SEMA3A: variants seen among roughly 807,000 people sequenced by gnomAD.
SEMA3A encodes semaphorin 3A, also known as semaphorin-3A.
Under a neutral mutation model 97.9 loss-of-function variants are expected in SEMA3A, and 29 were observed. The observed-to-expected ratio is 0.30, with a 90% CI of 0.22 to 0.40. SEMA3A has a LOEUF of 0.40. Ranked by LOEUF, SEMA3A falls within the 10% of genes least tolerant of loss-of-function variation. The pLI is 1.00. For missense variants in SEMA3A, 763 were observed against 951.3 expected (o/e 0.80, Z 2.60); for synonymous variants, 321 against 323.7 (o/e 0.99, Z 0.09).
intron 1 of SEMA3A, among the ~76,000 whole-genome samples, chr7:84,381,635 T>G (rs1803262136): frequency 6.6e-6 from 1 of 152,166 alleles, no homozygotes. Context: ...TATTTGATCT[T>G]CTATTTGGTC....
chr7:84,362,187 C>A (rs1802742705), intron 2 of SEMA3A, among the ~76,000 whole-genome samples: 2 of 151,768 alleles, frequency 1.3e-5, no homozygotes, highest in South Asian at 2.1e-4. Context: ...TAAGACCAAC[C>A]TGGGCAATGT....
chr7:84,453,777 T>C (rs755567681), intron 1 of SEMA3A, among the ~76,000 whole-genome samples: 13 of 152,184 alleles, frequency 8.5e-5, no homozygotes, highest in Non-Finnish European at 1.9e-4. Flanking sequence ...AAAAAAAACT[T>C]GTGTAAAATT....
At chr7:84,068,700 T>C (rs148574123) in intron 4 of SEMA3A, among the ~76,000 whole-genome samples, 19 of 152,234 alleles carry the variant, frequency 1.2e-4, no homozygotes, top group African/African-American at 4.6e-4. Context: ...ACTTTATGTC[T>C]GGGATCATAT....
intron 2 of SEMA3A, among the ~76,000 whole-genome samples, chr7:84,367,701 A>G (rs1047199018): frequency 4.0e-5 from 6 of 151,270 alleles, no homozygotes; most frequent in African/African-American, 1.4e-4. Flanking sequence ...ATAGGTGAGA[A>G]AGCAAGACTT....
At chr7:83,990,296 A>T (rs57773024) in intron 12 of SEMA3A, among the ~76,000 whole-genome samples, 2 of 152,086 alleles carry the variant, frequency 1.3e-5, no homozygotes, top group South Asian at 2.1e-4. Flanking sequence ...GTAGTTTCTT[A>T]TGCTGTGCAG....
intron 2 of SEMA3A, among the ~76,000 whole-genome samples, chr7:84,343,957 AT>A (rs1802233890): frequency 6.6e-6 from 1 of 151,854 alleles, no homozygotes; most frequent in Non-Finnish European, 1.5e-5. Flanking sequence ...GCAGTGAGCT[AT>A]TATCACACCA....
intron 3 of SEMA3A, among the ~76,000 whole-genome samples, chr7:84,249,368 C>CATCTATCTATCTATCTATAT (rs1799546563): frequency 7.0e-6 from 1 of 143,140 alleles, no homozygotes; most frequent in African/African-American, 2.6e-5. Flanking sequence ...CTCTGTCTAT[C>CATCTATCTATCTATCTATAT]ATCTATCTAT....
chr7:83,958,224 C>A lies in SEMA3A; in HGVS notation c.*3147G>T, dbSNP rs1788340465. On this transcript the variant is annotated 3_prime_UTR_variant, in exon 17 of 17. Transcript: ENST00000265362. ...ATAGAACCCAGTTTACAGATGACTA[C>A]AATGAAGAAATCTGTTAGCTAATTA... 6.6e-6 allele frequency: 1 copy of A among 152,416 alleles called. No individual in the cohort carries two copies. The allele number at this position is 152,416 out of a possible 1,614,324, so 9.4% of individuals were successfully genotyped here.
At chr7:84,399,482 C>A (rs1803837962) in intron 1 of SEMA3A, among the ~76,000 whole-genome samples, 1 of 152,152 alleles carries the variant, frequency 6.6e-6, no homozygotes, top group Non-Finnish European at 1.5e-5. Context: ...CACCCCTCCC[C>A]CAATGCCAGA....
intron 1 of SEMA3A, among the ~76,000 whole-genome samples, chr7:84,476,314 G>A (rs897063063): frequency 2.5e-4 from 38 of 149,670 alleles, no homozygotes; most frequent in South Asian, 1.5e-3. Flanking sequence ...AGCCGAGATC[G>A]CACCACTGCA....
chr7:84,407,663 C>T (rs1243957659), intron 1 of SEMA3A, among the ~76,000 whole-genome samples: 3 of 151,832 alleles, frequency 2.0e-5, no homozygotes, highest in Admixed American at 1.3e-4. Context: ...GCTACAGTAA[C>T]CAAAACAGCA....
chr7:84,034,888 CT>C (rs1292071208), intron 6 of SEMA3A, among the ~76,000 whole-genome samples: 1 of 152,026 alleles, frequency 6.6e-6, no homozygotes, highest in African/African-American at 2.4e-5. Flanking sequence ...ATACTTCCAA[CT>C]TTCTTTTGAA....
chr7:84,419,706 A>G (rs1804533358), intron 1 of SEMA3A, among the ~76,000 whole-genome samples: 1 of 152,128 alleles, frequency 6.6e-6, no homozygotes, highest in South Asian at 2.1e-4. Context: ...AAGCTTGAGA[A>G]GATCATAAGC....
At chr7:84,074,430 C>T (rs1284251850) in intron 4 of SEMA3A, among the ~76,000 whole-genome samples, 1 of 152,052 alleles carries the variant, frequency 6.6e-6, no homozygotes, top group African/African-American at 2.4e-5. Context: ...AAAATATAAA[C>T]TCACATGAAT....
chr7:84,173,903 A>G (rs1797477767), intron 1 of SEMA3A, among the ~76,000 whole-genome samples: 4 of 152,288 alleles, frequency 2.6e-5, no homozygotes, highest in African/African-American at 9.6e-5. Flanking sequence ...TGAACTGCAC[A>G]TGTGAGGGAC....
chr7:84,490,331 C>T (rs1043521973), intron 1 of SEMA3A, among the ~76,000 whole-genome samples: 2 of 151,678 alleles, frequency 1.3e-5, no homozygotes, highest in African/African-American at 4.8e-5. Context: ...AATGATTTTT[C>T]GCCATTAGTG....
chr7:84,406,722 C>T (rs982438221), intron 1 of SEMA3A, among the ~76,000 whole-genome samples: 3 of 152,170 alleles, frequency 2.0e-5, no homozygotes, highest in Non-Finnish European at 4.4e-5. Context: ...TGGGCTTCAT[C>T]CCTGGGATGC....
At chr7:84,143,066 C>T (rs752332646) in intron 1 of SEMA3A, among the ~76,000 whole-genome samples, 12 of 152,098 alleles carry the variant, frequency 7.9e-5, no homozygotes, top group Non-Finnish European at 1.8e-4. Context: ...ATACTCACTG[C>T]CACTGTCCTA....
chr7:84,089,685 T>A (rs1227348138), intron 4 of SEMA3A, among the ~76,000 whole-genome samples: 3 of 152,066 alleles, frequency 2.0e-5, no homozygotes, highest in African/African-American at 7.2e-5. Flanking sequence ...TTTTATAAAT[T>A]GATTGCTTTT....
Sources: allele counts gnomAD v4.1 joint callset (sites outside exome capture counted in the v4.1 genomes callset), GRCh38; gene constraint gnomAD v4.1.1; transcripts MANE v1.5; gene names NCBI Gene and HGNC (gene_info 2026-07-23, HGNC 2026-07-21).